The following CEP70 variants were observed in gnomAD, a reference collection of about 807,000 sequenced individuals.
The protein encoded by CEP70 is centrosomal protein 70.
A neutral mutation model predicts 90.9 loss-of-function variants in CEP70; 70 were observed. That is an observed-to-expected ratio of 0.77 (90% CI 0.64 to 0.94). The LOEUF is 0.94. Ranked by LOEUF, CEP70 falls within the 40% of genes least tolerant of loss-of-function variation. The probability of loss-of-function intolerance (pLI) is 0.00; values close to 1 mark genes in which losing one functional copy is unlikely to be tolerated. For missense variants in CEP70, 648 were observed against 669.0 expected (o/e 0.97, Z 0.35); for synonymous variants, 220 against 228.3 (o/e 0.96, Z 0.33).
chr3:138,572,292 C>CT (rs931542760), intron 3 of CEP70, among the ~76,000 whole-genome samples: 5 of 152,064 alleles, frequency 3.3e-5, no homozygotes, highest in African/African-American at 9.6e-5. Flanking sequence ...CTTCTTCCTC[C>CT]TTTTTTTTAC....
intron 2 of CEP70, among the ~76,000 whole-genome samples, chr3:138,579,439 A>C (rs922874617): frequency 4.0e-5 from 6 of 151,892 alleles, no homozygotes; most frequent in African/African-American, 1.2e-4. Context: ...CACAGCTTGC[A>C]GTTCCAAAAG....
Position 138,529,398 on chromosome 3 carries a change from G to T in CEP70, c.757C>A (p.Pro253Thr). Reference sequence around the variant, plus strand: ...ACCATTAAAAGGCCTTTATAAGTTGGTGAGGCATCCAGATTTCTGTAGTCG... The same window carrying T: ...ACCATTAAAAGGCCTTTATAAGTTGTTGAGGCATCCAGATTTCTGTAGTCG... ...ENDYRNLDAS[P>T]TYKGLLMSLQ... is the part of the protein sequence containing the mutation. Residue 253 changes from proline to threonine, a missense_variant, in exon 9 of 18, where the codon CCA (proline) becomes ACA (threonine). Physicochemically the swap from Pro to Thr is conservative, Grantham distance 38. Coordinates refer to ENST00000264982, the MANE Select transcript of CEP70 (RefSeq NM_024491.4). 4 of 1,610,428 alleles carry T rather than the reference G, an allele frequency of 2.5e-6. No individual in the cohort carries two copies. The highest frequency in any genetic ancestry group is 3.4e-6 in the Non-Finnish European group (4 of 1,178,144).
At chr3:138,496,806 A>G in intron 17 of CEP70, 1 of 985,440 alleles carries the variant, frequency 1.0e-6, no homozygotes, top group Non-Finnish European at 1.2e-6. Flanking sequence ...CTCCAGAGAA[A>G]CCTGGCTTTC....
At chr3:138,577,812 C>T (rs1008036443) in intron 2 of CEP70, among the ~76,000 whole-genome samples, 10 of 152,030 alleles carry the variant, frequency 6.6e-5, no homozygotes, top group Non-Finnish European at 8.8e-5. Flanking sequence ...GACTGTCAAA[C>T]TAGATTTTTA....
chr3:138,514,590 T>C (rs1411286558), intron 11 of CEP70, among the ~76,000 whole-genome samples: 1 of 152,120 alleles, frequency 6.6e-6, no homozygotes, highest in Non-Finnish European at 1.5e-5. Flanking sequence ...TTTTTAAAGT[T>C]TTACCTTGAA....
At chr3:138,503,214 C>G (rs1244474286) in intron 13 of CEP70, among the ~76,000 whole-genome samples, 1 of 152,146 alleles carries the variant, frequency 6.6e-6, no homozygotes, top group Non-Finnish European at 1.5e-5. Context: ...GCCATCACCA[C>G]TCTACTTTGT....
intron 6 of CEP70, among the ~76,000 whole-genome samples, chr3:138,543,699 C>T (rs1204218227): frequency 6.6e-6 from 1 of 152,128 alleles, no homozygotes; most frequent in Non-Finnish European, 1.5e-5. Flanking sequence ...AGATTTGTTG[C>T]CACCTCTATC....
At chr3:138,503,041 TA>T (rs1032344193) in intron 13 of CEP70, among the ~76,000 whole-genome samples, 5 of 152,190 alleles carry the variant, frequency 3.3e-5, no homozygotes, top group African/African-American at 1.2e-4. Flanking sequence ...AAAATACCCA[TA>T]AAATTCACCA....
At chr3:138,574,297 C>T (rs2041370632) in intron 2 of CEP70, among the ~76,000 whole-genome samples, 1 of 152,228 alleles carries the variant, frequency 6.6e-6, no homozygotes, top group Admixed American at 6.5e-5. Context: ...ATATCCCATG[C>T]CTGGCTCAGT....
At chr3:138,557,814 T>A (rs1468541774) in intron 6 of CEP70, among the ~76,000 whole-genome samples, 3 of 152,046 alleles carry the variant, frequency 2.0e-5, no homozygotes, top group Admixed American at 6.6e-5. Context: ...AAAAAATTTT[T>A]AAAAAAGAAA....
At chr3:138,516,553 T>A (rs1194402438) in intron 11 of CEP70, among the ~76,000 whole-genome samples, 1 of 152,162 alleles carries the variant, frequency 6.6e-6, no homozygotes, top group Non-Finnish European at 1.5e-5. Context: ...ACCTGGCTAA[T>A]TTTTAAATTC....
intron 6 of CEP70, among the ~76,000 whole-genome samples, chr3:138,568,903 C>T (rs935708710): frequency 6.6e-5 from 10 of 151,422 alleles, no homozygotes; most frequent in Non-Finnish European, 1.5e-4. Context: ...CGCTTCAACC[C>T]GGGAGGCAGA....
chr3:138,497,857 C>T, intron 17 of CEP70, 174 bp downstream of exon 17: 4 of 985,354 alleles, frequency 4.1e-6, no homozygotes, highest in Non-Finnish European at 4.8e-6. Context: ...TGTTTCTGTT[C>T]TATGGACTAA....
At chr3:138,588,902 A>G (rs931688945) in intron 2 of CEP70, among the ~76,000 whole-genome samples, 5 of 152,244 alleles carry the variant, frequency 3.3e-5, no homozygotes, top group African/African-American at 1.2e-4. Context: ...CCTCAGCAAT[A>G]AAAAAGAATA....
At chr3:138,588,210 C>G (rs1434373962) in intron 2 of CEP70, among the ~76,000 whole-genome samples, 1 of 151,990 alleles carries the variant, frequency 6.6e-6, no homozygotes, top group African/African-American at 2.4e-5. Flanking sequence ...TGATATGACA[C>G]CAAAAGCATG....
chr3:138,497,019 A>G, intron 17 of CEP70: 1 of 994,810 alleles, frequency 1.0e-6, no homozygotes, highest in Non-Finnish European at 1.2e-6. Context: ...CTATGAAACC[A>G]GGCTCTTCAG....
intron 11 of CEP70, among the ~76,000 whole-genome samples, chr3:138,525,025 CAAT>C (rs1252430494): frequency 6.6e-6 from 1 of 152,122 alleles, no homozygotes; most frequent in African/African-American, 2.4e-5. Flanking sequence ...AAATGTCCAA[CAAT>C]GATAGACTGG....
intron 17 of CEP70, chr3:138,496,548 A>AC: frequency 1.0e-6 from 1 of 985,408 alleles, no homozygotes; most frequent in Non-Finnish European, 1.2e-6. Context: ...AATGAACCTC[A>AC]CAGCAAAGGA....
At chr3:138,584,263 T>C (rs1323038199) in intron 2 of CEP70, among the ~76,000 whole-genome samples, 2 of 151,948 alleles carry the variant, frequency 1.3e-5, no homozygotes, top group East Asian at 1.9e-4. Flanking sequence ...ACTAACAACA[T>C]TGAAGCTATA....
Sources: allele counts gnomAD v4.1 joint callset (sites outside exome capture counted in the v4.1 genomes callset), GRCh38; gene constraint gnomAD v4.1.1; transcripts MANE v1.5; gene names NCBI Gene and HGNC (gene_info 2026-07-23, HGNC 2026-07-21).